Variants in SUN1 observed in about 807,000 individuals in gnomAD.
SUN1 encodes SUN domain-containing protein 1.
In SUN1, 61 loss-of-function variants were observed where a neutral mutation model predicts 103.2. The ratio of observed to expected loss-of-function variants is 0.59; its 90% CI spans 0.48 to 0.73. The LOEUF is 0.73. SUN1 is among the 30% of genes least tolerant of loss of function. SUN1 has a pLI of 0.00. For missense variants in SUN1, 1,052 were observed against 1,034.6 expected (o/e 1.02, Z -0.23); for synonymous variants, 490 against 425.7 (o/e 1.15, Z -1.86).
chr7:828,143 A>C (rs2128195377), upstream of SUN1, among the ~76,000 whole-genome samples: 1 of 150,808 alleles, frequency 6.6e-6, no homozygotes, highest in East Asian at 2.0e-4. Flanking sequence ...ACCTTAGGTG[A>C]TCCACCCACC....
chr7:826,823 C>T (rs1792526808), intron 1 of SUN1, among the ~76,000 whole-genome samples: 1 of 152,146 alleles, frequency 6.6e-6, no homozygotes, highest in Non-Finnish European at 1.5e-5. Context: ...GTAAACGGTG[C>T]CTTTGCAGGA....
intron 1 of SUN1, among the ~76,000 whole-genome samples, chr7:837,725 G>A (rs867147422): frequency 6.1e-4 from 93 of 152,176 alleles, no homozygotes; most frequent in African/African-American, 2.1e-3. Flanking sequence ...CTGGGATGGT[G>A]CTGGGCCAGC....
chr7:817,351 G>A (rs995868323), intron 1 of SUN1: 11 of 1,460,414 alleles, frequency 7.5e-6, no homozygotes, highest in Middle Eastern at 4.6e-4. Flanking sequence ...AGCCTGCCTG[G>A]AGGCGCGCGC....
chr7:850,767 T>TTAAA (rs1554263301), intron 5 of SUN1: 6 of 125,600 alleles, frequency 4.8e-5, no homozygotes, highest in Admixed American at 8.3e-5. Context: ...TCTCTTAAAT[T>TTAAA]AAAAAAAAAA....
At chr7:851,509 G>C in intron 6 of SUN1, 27 bp downstream of exon 6, 1 of 1,568,004 alleles carries the variant, frequency 6.4e-7, no homozygotes, top group Non-Finnish European at 8.7e-7. Context: ...TCTGTGTTGC[G>C]TTCTCTCCAG....
rs555327540 is a variant in SUN1 at position 857,015 on chromosome 7, G to A, written c.1394+614G>A. ...AAGCTGGCATTTTGCTCCTCACTCA[G>A]GGCGGCTTTCTTCCACACGACCACT... is the stretch of plus-strand genomic sequence containing the variant. On this transcript the variant is annotated intron_variant, in intron 12 of 18. Coordinates refer to ENST00000401592, the MANE Select transcript of SUN1 (RefSeq NM_001130965.3). Among the ~76,000 whole-genome samples, 72 of 152,310 alleles carry A rather than the reference G, an allele frequency of 4.7e-4. 1 individual carries two copies. In the South Asian group the frequency reaches 9.7e-3, roughly 21 times the overall value.
intron 5 of SUN1, among the ~76,000 whole-genome samples, chr7:847,903 C>A (rs1052339940): frequency 1.3e-5 from 2 of 151,232 alleles, no homozygotes; most frequent in African/African-American, 4.9e-5. Flanking sequence ...TCTCCGGGAT[C>A]CCCTGGGGGT....
At chr7:839,905 C>G (rs1807532206) in intron 2 of SUN1, among the ~76,000 whole-genome samples, 1 of 152,214 alleles carries the variant, frequency 6.6e-6, no homozygotes, top group Non-Finnish European at 1.5e-5. Context: ...CTGACAAATA[C>G]ATAAAGTTTA....
At position 861,471 on chromosome 7, in the gene SUN1, A is replaced by C; in HGVS notation, c.1864+7A>C. On this transcript the variant is annotated splice_region_variant and intron_variant, in intron 15 of 18. Transcript: ENST00000401592. Reference sequence around the variant, plus strand: ...TTTGCTCTGGAATCTGGTGGTGAGTAAATAGACGTTCTGATTACTAAGTTA... The same window carrying C: ...TTTGCTCTGGAATCTGGTGGTGAGTCAATAGACGTTCTGATTACTAAGTTA... 2 of 1,614,114 alleles carry C rather than the reference A, an allele frequency of 1.2e-6. No individual in the cohort carries two copies. Among genetic ancestry groups the C allele is most frequent in the Non-Finnish European group, 1.7e-6 (2 of 1,179,960 alleles).
intron 17 of SUN1, among the ~76,000 whole-genome samples, chr7:871,117 C>T (rs913185917): frequency 1.3e-5 from 2 of 151,920 alleles, no homozygotes; most frequent in East Asian, 1.9e-4. Context: ...TCTCGAACTC[C>T]CGACCTCAGC....
rs190212460 is a variant in SUN1, at chr7:827,073, A to C, written c.-74+10400A>C. ...AGTCTCGCTCTGTCACCCAGGCTGG[A>C]GTGCAGCGGCAGATCTCAGCTCACT... On this transcript the variant is annotated intron_variant, in intron 1 of 17. Transcript: ENST00000389574. Among the ~76,000 whole-genome samples, 375 of 151,924 alleles carry C rather than the reference A, an allele frequency of 2.5e-3. 4 individuals carry two copies. The highest frequency in any genetic ancestry group is 8.2e-3 in the African/African-American group (339 of 41,416).
chr7:860,333 C>T lies in SUN1; in HGVS notation c.1730C>T (p.Ala577Val), dbSNP rs1831192759. Residue 577 changes from alanine (A) to valine (V), a missense_variant, in exon 14 of 19, where the codon GCC becomes GTC. Physicochemically the swap from Ala to Val is moderately conservative, Grantham distance 64. Coordinates refer to ENST00000401592, the MANE Select transcript of SUN1 (RefSeq NM_001130965.3). ...ACCAAGCAGCTCCCAACCTCAGAAG[C>T]CGTGGTGTCTGCTGTGAGCGAGGCG... ...SVTKQLPTSE[A>V]VVSAVSEAGA... 1 of 1,614,102 alleles carries T rather than the reference C, an allele frequency of 6.2e-7. No individual in the cohort carries two copies. The highest frequency in any genetic ancestry group is 8.5e-7 in the Non-Finnish European group (1 of 1,180,058).
At chr7:852,133 G>A (rs1822799078) in intron 7 of SUN1, 90 bp downstream of exon 7, 1 of 1,196,276 alleles carries the variant, frequency 8.4e-7, no homozygotes, top group African/African-American at 1.5e-5. Flanking sequence ...TATTTTGTAA[G>A]GATTTAGCTT....
upstream of SUN1, among the ~76,000 whole-genome samples, chr7:828,093 G>A (rs1420459923): frequency 1.3e-5 from 2 of 151,270 alleles, no homozygotes; most frequent in African/African-American, 4.9e-5. Context: ...TAATAGAGGG[G>A]TGGTTTCACC....
chr7:863,718 C>T (rs1834090619), intron 15 of SUN1, among the ~76,000 whole-genome samples: 1 of 152,218 alleles, frequency 6.6e-6, no homozygotes, highest in South Asian at 2.1e-4. Flanking sequence ...TCTTCAGGGC[C>T]TGAGAGCTCA....
chr7:828,479 C>T (rs749262113), upstream of SUN1, among the ~76,000 whole-genome samples: 38 of 152,046 alleles, frequency 2.5e-4, no homozygotes, highest in Non-Finnish European at 5.1e-4. Flanking sequence ...ACCATGTTGG[C>T]CCCGCTGGCC....
intron 1 of SUN1, among the ~76,000 whole-genome samples, chr7:824,746 T>G (rs186621189): frequency 1.4e-4 from 21 of 152,334 alleles, no homozygotes; most frequent in Admixed American, 4.6e-4. Context: ...TTCCTGTTGT[T>G]TCATCATTTC....
chr7:851,326 C>T, intron 5 of SUN1, 58 bp from the exon 6 acceptor site: 1 of 1,468,388 alleles, frequency 6.8e-7, no homozygotes. Flanking sequence ...ACCGTGCTGT[C>T]ACTGCAGAGG....
chr7:851,959 C>T lies in SUN1; in HGVS notation c.767C>T (p.Ala256Val), dbSNP rs775206908. ...WLAVVAPGKAASGVFWWLGIG... is the reference protein window; with the variant it reads ...WLAVVAPGKAVSGVFWWLGIG... ...GTGTTTTCTCTTGTAGGGAAGGCAGCCTCTGGAGTGTTCTGGTGGCTGGGG... is the reference window on the plus strand; with the variant it reads ...GTGTTTTCTCTTGTAGGGAAGGCAGTCTCTGGAGTGTTCTGGTGGCTGGGG... The change falls in exon 7 of 19, where the codon GCC becomes GTC. Residue 256 changes from alanine (A) to valine (V), a missense_variant. Ala to Val is a moderately conservative substitution (Grantham distance 64). Coordinates refer to ENST00000401592, the MANE Select transcript of SUN1 (RefSeq NM_001130965.3). The T allele has an allele frequency of 8.1e-6, 13 of 1,613,852 alleles. No individual in the cohort carries two copies. The highest frequency in any genetic ancestry group is 1.6e-4 in the Middle Eastern group (1 of 6,084).
Sources: allele counts gnomAD v4.1 joint callset (sites outside exome capture counted in the v4.1 genomes callset), GRCh38; gene constraint gnomAD v4.1.1; transcripts MANE v1.5; gene names NCBI Gene and HGNC (gene_info 2026-07-23, HGNC 2026-07-21).